Variants in TMEM266 observed in about 807,000 individuals in gnomAD.
The protein encoded by TMEM266 is transmembrane protein 266.
Under a neutral mutation model 50.5 loss-of-function variants are expected in TMEM266, and 33 were observed. That is an observed-to-expected ratio of 0.65 (90% CI 0.50 to 0.87). TMEM266 has a LOEUF of 0.87. TMEM266 is among the 40% of genes least tolerant of loss of function. The probability of loss-of-function intolerance (pLI) is 0.00; values close to 1 mark genes in which losing one functional copy is unlikely to be tolerated. For synonymous variants in TMEM266, 310 were observed against 292.3 expected, an observed-to-expected ratio of 1.06 and a Z score of -0.62; for missense variants, 655 against 695.1, an observed-to-expected ratio of 0.94 and a Z score of 0.65.
At chr15:76,087,315 G>T (rs907315880) in intron 1 of TMEM266, among the ~76,000 whole-genome samples, 5 of 152,178 alleles carry the variant, frequency 3.3e-5, no homozygotes, top group Non-Finnish European at 1.5e-5. Flanking sequence ...GGAGAAAGGG[G>T]ATGAATTTCT....
At chr15:76,103,297 G>A (rs1487215459) in intron 1 of TMEM266, among the ~76,000 whole-genome samples, 2 of 151,572 alleles carry the variant, frequency 1.3e-5, no homozygotes, top group Admixed American at 1.3e-4. Context: ...GAGCCCAGGA[G>A]TTCAAGAACA....
At chr15:76,138,222 CAAAAAAAAAAAA>C (rs376580547) in intron 3 of TMEM266, among the ~76,000 whole-genome samples, 4 of 71,882 alleles carry the variant, frequency 5.6e-5, no homozygotes, top group African/African-American at 1.8e-4. Flanking sequence ...AACTCTGTCT[CAAAAAAAAAAAA>C]AAAAAAAAAA....
chr15:76,151,967 G>T (rs2037852189), intron 3 of TMEM266, among the ~76,000 whole-genome samples: 1 of 152,168 alleles, frequency 6.6e-6, no homozygotes, highest in South Asian at 2.1e-4. Context: ...AGAGGTTGTT[G>T]TTCAGGAGGT....
chr15:76,202,268 A>T lies in TMEM266; in HGVS notation c.1021+4A>T. On this transcript the variant is annotated splice_donor_region_variant and intron_variant, in intron 10 of 10. Transcript: ENST00000388942. Reference sequence around the variant, plus strand: ...TATTACAATGGGCCCAGCAGTGGTAAGTCTGGGTTGGGGCTGTTCTACATG... The same window carrying T: ...TATTACAATGGGCCCAGCAGTGGTATGTCTGGGTTGGGGCTGTTCTACATG... The T allele has an allele frequency of 6.2e-7, 1 of 1,612,980 alleles. No homozygotes were observed. The highest frequency in any genetic ancestry group is 8.5e-7 in the Non-Finnish European group (1 of 1,179,264).
intron 1 of TMEM266, among the ~76,000 whole-genome samples, chr15:76,116,905 T>C (rs1239958470): frequency 1.3e-5 from 2 of 150,556 alleles, no homozygotes; most frequent in Non-Finnish European, 3.0e-5. Flanking sequence ...TCTTTTTTTT[T>C]TTTTTTTTTT....
At chr15:76,067,682 C>T (rs2036456141) in intron 1 of TMEM266, among the ~76,000 whole-genome samples, 3 of 139,632 alleles carry the variant, frequency 2.1e-5, no homozygotes, top group South Asian at 2.3e-4. Flanking sequence ...AAAAGTCATT[C>T]TTGGGTTTTT....
intron 4 of TMEM266, among the ~76,000 whole-genome samples, chr15:76,159,704 C>G (rs2037985877): frequency 6.6e-6 from 1 of 152,146 alleles, no homozygotes; most frequent in East Asian, 1.9e-4. Flanking sequence ...AAAAGCCCAT[C>G]CAGCCTCAAC....
In TMEM266 at chr15:76,075,806, C is replaced by T. The variant is rs531638068; in HGVS notation, c.-97+15790C>T. Among the ~76,000 whole-genome samples, 320 of 133,950 alleles carry T rather than the reference C, an allele frequency of 2.4e-3. 6 individuals are homozygous for T. The highest frequency in any genetic ancestry group is 8.2e-3 in the African/African-American group (302 of 37,034). The allele number at this position is 133,950 out of a possible 152,430, so 87.9% of individuals were successfully genotyped here. A position where few individuals can be genotyped will look rare whatever the true frequency, so the allele number is the denominator to read the frequency against. On this transcript the variant is annotated intron_variant, in intron 1 of 10. Coordinates refer to ENST00000388942, the MANE Select transcript of TMEM266 (RefSeq NM_152335.3). ...TATTTTAGCTACACAAATTATTCAC[C>T]AAATTCTGGAGGAGAATGAAGAGAA...
intron 1 of TMEM266, among the ~76,000 whole-genome samples, chr15:76,107,308 G>A (rs576412518): frequency 6.6e-6 from 1 of 152,300 alleles, no homozygotes; most frequent in East Asian, 1.9e-4. Context: ...TTTCAGATGA[G>A]CTAGCTGCAT....
chr15:76,072,842 T>C (rs1008830364), intron 1 of TMEM266, among the ~76,000 whole-genome samples: 3 of 152,102 alleles, frequency 2.0e-5, no homozygotes, highest in Non-Finnish European at 2.9e-5. Flanking sequence ...TTCACCATGT[T>C]GGCCAGGCTG....
At chr15:76,067,632 CA>C (rs1161784184) in intron 1 of TMEM266, among the ~76,000 whole-genome samples, 91 of 67,486 alleles carry the variant, frequency 1.3e-3, no homozygotes, top group Middle Eastern at 6.9e-3. Flanking sequence ...GGCTGCGTCT[CA>C]AAAAAAAAAA....
intron 1 of TMEM266, among the ~76,000 whole-genome samples, chr15:76,115,149 C>T (rs2037229236): frequency 6.6e-6 from 1 of 152,120 alleles, no homozygotes; most frequent in Non-Finnish European, 1.5e-5. Context: ...TAAAATAAAG[C>T]ATGCTCATAA....
In TMEM266 at chr15:76,161,123, A is replaced by G. The variant is rs753403944; in HGVS notation, c.456+955A>G. Among the ~76,000 whole-genome samples, 1 of 152,146 alleles carries G rather than the reference A, an allele frequency of 6.6e-6. No individual in the cohort carries two copies. Among genetic ancestry groups the G allele is most frequent in the Admixed American group, 6.5e-5 (1 of 15,284 alleles). ...TAGGACTGGCCCAAGTCAGCGGGCC[A>G]CTGTGTCACTCTACCCTTGAGTGTC... On this transcript the variant is annotated intron_variant, in intron 5 of 10. Coordinates refer to ENST00000388942, the MANE Select transcript of TMEM266 (RefSeq NM_152335.3). The surrounding 1 kb of genome is among the most constrained non-coding windows in gnomAD (Gnocchi z 4.1).
chr15:76,189,302 C>T (rs907160242), intron 8 of TMEM266, among the ~76,000 whole-genome samples: 4 of 137,520 alleles, frequency 2.9e-5, no homozygotes, highest in Admixed American at 7.2e-5. Context: ...CTCTGTCCAT[C>T]GTGACAATCT....
chr15:76,099,406 C>G (rs925337335), intron 1 of TMEM266, among the ~76,000 whole-genome samples: 1 of 152,214 alleles, frequency 6.6e-6, no homozygotes, highest in Admixed American at 6.5e-5. Context: ...TGGGTTGCAC[C>G]CACTGTCCAA....
At position 76,202,963 on chromosome 15, in the gene TMEM266, A is replaced by G. The variant is rs149761670; in HGVS notation, c.1021+699A>G. ...CTCATCCCTCTTCTCTCCTCCCTCA[A>G]AGCCTCATCCAATATGCTGGTTTCA... On this transcript the variant is annotated intron_variant, in intron 10 of 10. Transcript: ENST00000388942. Among the ~76,000 whole-genome samples, 929 of 151,942 alleles carry G rather than the reference A, an allele frequency of 6.1e-3. 12 individuals carry two copies. The highest frequency in any genetic ancestry group is 0.022 in the African/African-American group (899 of 41,424).
chr15:76,189,525 G>T (rs1163883976), intron 8 of TMEM266, among the ~76,000 whole-genome samples: 1 of 152,200 alleles, frequency 6.6e-6, no homozygotes, highest in Non-Finnish European at 1.5e-5. Context: ...TGTCACTAAA[G>T]TGCTCACAGA....
rs150370370 is a variant in TMEM266 at position 76,153,522 on chromosome 15, C to T, written c.228-3082C>T. Among the ~76,000 whole-genome samples the T allele has an allele frequency of 8.5e-4, 130 of 152,262 alleles. 1 individual carries two copies. The highest frequency in any genetic ancestry group is 2.9e-3 in the African/African-American group (121 of 41,554). ...CATCAGTTTTAGGGGCCGCAGACAA[C>T]GGTAATGGGCATTGGGGAGAATGTG... is the stretch of plus-strand genomic sequence containing the variant. On this transcript the variant is annotated intron_variant, in intron 3 of 10. Transcript: ENST00000388942. This position sits in a 1 kb window ranked among gnomAD's most constrained non-coding sequence, Gnocchi z 4.2.
rs760825951 is a variant in TMEM266 at position 76,204,132 on chromosome 15, G to A, written c.1413G>A (p.Ser471=). The change falls in exon 11 of 11, where the codon TCG becomes TCA. Residue 471 remains serine, a synonymous_variant. Transcript: ENST00000388942. ...TCGCCCGGCCCAGCCCAGCGGGCTC[G>A]GCCCAAACCAGCCCCGAGCTGGAAC... 1.1e-5 allele frequency: 17 copies of A among 1,613,172 alleles called. No homozygotes were observed. Among genetic ancestry groups the A allele is most frequent in the African/African-American group, 4.0e-5 (3 of 74,914 alleles).
Sources: gnomAD v4.1 joint callset for allele counts (sites outside exome capture counted in the v4.1 genomes callset) on GRCh38, gnomAD v4.1.1 for gene constraint, Gnocchi (gnomAD v3.1) non-coding constraint, MANE v1.5 for transcripts, NCBI Gene and HGNC (gene_info 2026-07-23, HGNC 2026-07-21) for gene names.